Variants in DDI2 observed in about 807,000 individuals in gnomAD.
DDI2 encodes protein DDI1 homolog 2.
In DDI2, 5 loss-of-function variants were observed where a neutral mutation model predicts 48.1. That is an observed-to-expected ratio of 0.10 (90% CI 0.05 to 0.22). The LOEUF (loss-of-function observed/expected upper bound fraction) is 0.22, where lower values mean the gene tolerates loss of function less well. Among genes scored for constraint, DDI2 ranks in the 10% least tolerant of loss-of-function variants. The pLI, the probability that DDI2 is intolerant of heterozygous loss-of-function variation, is 1.00. For synonymous variants in DDI2, 205 were observed against 183.6 expected (o/e 1.12, Z -0.94); for missense variants, 285 against 506.2 (o/e 0.56, Z 4.19).
At chr1:15,638,560 A>AG in intron 5 of DDI2, 126 bp downstream of exon 5, 1 of 1,027,978 alleles carries the variant, frequency 9.7e-7, no homozygotes, top group Non-Finnish European at 1.3e-6. Flanking sequence ...TTTGAGACAG[A>AG]GTCTTGCTCT....
intron 3 of DDI2, among the ~76,000 whole-genome samples, chr1:15,631,103 A>T (rs1429914511): frequency 6.6e-6 from 1 of 152,166 alleles, no homozygotes; most frequent in African/African-American, 2.4e-5. Context: ...TCGGCCTCCC[A>T]AAGTGCTGGG....
At position 15,630,520 on chromosome 1, in the gene DDI2, G is replaced by A. The variant is rs763211597; in HGVS notation, c.464G>A (p.Arg155His). The part of the protein sequence containing the change: ...NPHELSLLKE[R>H]NPPLAEALLS... ...CATGAGCTGTCCTTGCTGAAGGAAC[G>A]CAATCCACCCCTGGCAGAAGCTCTG... The change falls in exon 3 of 10, where the codon CGC becomes CAC. Residue 155 changes from arginine (R) to histidine (H), a missense_variant. Arg to His is a conservative substitution (Grantham distance 29, BLOSUM62 0). Transcript: ENST00000480945. 8 of 1,613,918 alleles carry A rather than the reference G, an allele frequency of 5.0e-6. No individual in the cohort carries two copies. Among genetic ancestry groups the A allele is most frequent in the East Asian group, 2.2e-5 (1 of 44,890 alleles).
At position 15,666,748 on chromosome 1, in the gene DDI2, G is replaced by A. The variant is rs1315766781; in HGVS notation, c.*6958G>A. The A allele has an allele frequency of 6.6e-6, 1 of 152,148 alleles. No individual in the cohort carries two copies. The highest frequency in any genetic ancestry group is 6.5e-5 in the Admixed American group (1 of 15,268). 9.4% of individuals were successfully genotyped at this position (152,148 alleles called of 1,614,324 possible). A position where few individuals can be genotyped will look rare whatever the true frequency, so the allele number is the denominator to read the frequency against. ...CTTGTGAAGCTTTCAGTCTAGAAGG[G>A]AGACGTGAAACAAATTTTAGCTTCA... is the stretch of plus-strand genomic sequence containing the variant. On this transcript the variant is annotated 3_prime_UTR_variant, in exon 10 of 10. Transcript: ENST00000480945.
At chr1:15,639,999 A>G (rs1335805404) in intron 5 of DDI2, among the ~76,000 whole-genome samples, 1 of 151,102 alleles carries the variant, frequency 6.6e-6, no homozygotes, top group Non-Finnish European at 1.5e-5. Context: ...AGCCTGGGTG[A>G]GTGAGACCCT....
chr1:15,660,107 A>G lies in DDI2; in HGVS notation c.*317A>G, dbSNP rs1383202085. The G allele has an allele frequency of 6.2e-7, 1 of 1,614,052 alleles. No homozygotes were observed. Among genetic ancestry groups the G allele is most frequent in the Non-Finnish European group, 8.5e-7 (1 of 1,180,034 alleles). On this transcript the variant is annotated 3_prime_UTR_variant, in exon 10 of 10. Transcript: ENST00000480945. The stretch of plus-strand genomic sequence containing the variant: ...CTTTCTTTACAAGATCTTTCTGATC[A>G]TGCTTCCTCAGCAGACCATGCTCCA...
intron 5 of DDI2, among the ~76,000 whole-genome samples, chr1:15,639,070 C>G (rs1639968573): frequency 6.6e-6 from 1 of 152,034 alleles, no homozygotes; most frequent in Non-Finnish European, 1.5e-5. Context: ...GCCTGTGCAC[C>G]AGCACTTTGC....
rs1243695473 is a variant in DDI2, at chr1:15,667,565, A to T, written c.*7775A>T. ...TTAAAGCAGCTGGGTGCAACTTGTGAAAACGGGAATCTAGAGCAGAACATG... is the reference window on the plus strand; with the variant it reads ...TTAAAGCAGCTGGGTGCAACTTGTGTAAACGGGAATCTAGAGCAGAACATG... On this transcript the variant is annotated 3_prime_UTR_variant, in exon 10 of 10. Transcript: ENST00000480945. 6.6e-6 allele frequency: 1 copy of T among 152,272 alleles called. No individual in the cohort carries two copies. Among genetic ancestry groups the T allele is most frequent in the Non-Finnish European group, 1.5e-5 (1 of 68,062 alleles). The allele number at this position is 152,272 out of a possible 1,614,324, so 9.4% of individuals were successfully genotyped here.
chr1:15,657,690 A>C lies in DDI2; in HGVS notation c.*46+1011A>C, dbSNP rs114130327. Among the ~76,000 whole-genome samples the C allele has an allele frequency of 8.8e-3, 1,334 of 152,340 alleles. 18 individuals carry two copies. The highest frequency in any genetic ancestry group is 0.029 in the African/African-American group (1,222 of 41,568). ...TACCATACCTCTTTATGTTGCTTAC[A>C]TGGATATTTCACTACAGTGCATTGT... On this transcript the variant is annotated intron_variant, in intron 9 of 9. Coordinates refer to ENST00000480945, the MANE Select transcript of DDI2 (RefSeq NM_032341.5).
At chr1:15,639,788 C>G (rs571116199) in intron 5 of DDI2, among the ~76,000 whole-genome samples, 14 of 152,156 alleles carry the variant, frequency 9.2e-5, no homozygotes, top group African/African-American at 3.4e-4. Flanking sequence ...GGGAGAATTG[C>G]TTGAGCCCAG....
At chr1:15,639,701 T>C (rs922701804) in intron 5 of DDI2, among the ~76,000 whole-genome samples, 7 of 152,170 alleles carry the variant, frequency 4.6e-5, no homozygotes, top group African/African-American at 1.7e-4. Flanking sequence ...TGGCCTCAAC[T>C]CTCATTAAGA....
chr1:15,630,102 T>G (rs556150529), intron 2 of DDI2, among the ~76,000 whole-genome samples: 2 of 152,130 alleles, frequency 1.3e-5, no homozygotes, highest in Non-Finnish European at 2.9e-5. Context: ...GCTAAAAATT[T>G]GGAGTTACTA....
intron 1 of DDI2, 104 bp from the exon 2 acceptor site, chr1:15,626,565 T>C: frequency 6.6e-7 from 1 of 1,515,998 alleles, no homozygotes; most frequent in Non-Finnish European, 8.9e-7. Flanking sequence ...ACTGGAGGGT[T>C]TGAAAGGAGG....
chr1:15,644,532 G>C (rs933509645), intron 6 of DDI2, among the ~76,000 whole-genome samples: 1 of 140,404 alleles, frequency 7.1e-6, no homozygotes, highest in Non-Finnish European at 1.5e-5. Flanking sequence ...GCTGGATTCT[G>C]TTCCGATTCT....
chr1:15,637,677 A>C (rs1175151736), intron 4 of DDI2, among the ~76,000 whole-genome samples: 1 of 152,164 alleles, frequency 6.6e-6, no homozygotes, highest in South Asian at 2.1e-4. Flanking sequence ...CAGCATGTTG[A>C]ATTTTTAAAC....
intron 1 of DDI2, among the ~76,000 whole-genome samples, chr1:15,624,731 G>T (rs1485722957): frequency 3.3e-5 from 5 of 152,024 alleles, no homozygotes; most frequent in African/African-American, 1.2e-4. Flanking sequence ...CCTTCCAATG[G>T]AACGCTAAGC....
intron 1 of DDI2, among the ~76,000 whole-genome samples, chr1:15,625,105 A>C (rs1258885646): frequency 1.3e-5 from 2 of 152,186 alleles, no homozygotes; most frequent in Non-Finnish European, 2.9e-5. Flanking sequence ...TTCCAGTTTA[A>C]ATGCTGTGTT....
chr1:15,618,251 CTT>C (rs375538671), intron 1 of DDI2, among the ~76,000 whole-genome samples: 4 of 129,240 alleles, frequency 3.1e-5, no homozygotes, highest in Non-Finnish European at 6.5e-5. Flanking sequence ...TGTTCCTCTG[CTT>C]TTTTTTTTTT....
chr1:15,651,609 G>A lies in DDI2; in HGVS notation c.994-97G>A, dbSNP rs185506925. 3.2e-5 allele frequency: 38 copies of A among 1,182,152 alleles called. No homozygotes were observed. The Middle Eastern group carries it at 1.0e-3, about 32-fold the overall frequency. 73.2% of individuals were successfully genotyped at this position (1,182,152 alleles called of 1,614,324 possible). Reference sequence around the variant, plus strand: ...GCTGGGATTACAGGCATGAGTCACCGTGCCTGGCCATTTGTGATTGGAGTT... The same window carrying A: ...GCTGGGATTACAGGCATGAGTCACCATGCCTGGCCATTTGTGATTGGAGTT... On this transcript the variant is annotated intron_variant, in intron 7 of 9. Transcript: ENST00000480945.
chr1:15,623,387 C>CTTCTT (rs1553152999), intron 1 of DDI2, among the ~76,000 whole-genome samples: 1 of 107,490 alleles, frequency 9.3e-6, no homozygotes, highest in African/African-American at 3.8e-5. Flanking sequence ...TTTTCTTCTT[C>CTTCTT]TTTTTTTTTT....
Sources: gnomAD v4.1 joint callset for allele counts (sites outside exome capture counted in the v4.1 genomes callset) on GRCh38, gnomAD v4.1.1 for gene constraint, MANE v1.5 for transcripts, NCBI Gene and HGNC (gene_info 2026-07-23, HGNC 2026-07-21) for gene names.